SNX24: variants seen among roughly 807,000 people sequenced by gnomAD.
SNX24 encodes sorting nexin-24.
SNX24 carries 22 observed loss-of-function variants against 28.7 expected under a neutral mutation model. That is an observed-to-expected ratio of 0.77 (90% CI 0.55 to 1.10). The LOEUF (loss-of-function observed/expected upper bound fraction) is 1.10, where lower values mean the gene tolerates loss of function less well. Ranked by LOEUF, SNX24 falls within the 50% of genes least tolerant of loss-of-function variation. The pLI, the probability that SNX24 is intolerant of heterozygous loss-of-function variation, is 0.00. For synonymous variants in SNX24, 69 were observed against 71.5 expected (o/e 0.96, Z 0.18); for missense variants, 221 against 201.1 (o/e 1.10, Z -0.60).
intron 1 of SNX24, among the ~76,000 whole-genome samples, chr5:122,895,965 A>G (rs1331720875): frequency 6.6e-6 from 1 of 152,196 alleles, no homozygotes; most frequent in Non-Finnish European, 1.5e-5. Context: ...CCTGGCCAAC[A>G]TGGTGAAACC....
chr5:122,906,282 A>G (rs1757643335), intron 1 of SNX24, among the ~76,000 whole-genome samples: 2 of 152,188 alleles, frequency 1.3e-5, no homozygotes, highest in African/African-American at 4.8e-5. Flanking sequence ...GGGTTCCACC[A>G]TGCTGCCCTC....
Position 122,879,234 on chromosome 5 carries a change from C to T in SNX24, c.60+33541C>T, listed in dbSNP as rs115063589. On this transcript the variant is annotated intron_variant, in intron 1 of 6. Coordinates refer to ENST00000261369, the MANE Select transcript of SNX24 (RefSeq NM_014035.4). ...ATTTGGACCAGCCATGTTTCAAATGCTTGACAGCAGCATGTGGCGAGTGCT... is the reference window on the plus strand; with the variant it reads ...ATTTGGACCAGCCATGTTTCAAATGTTTGACAGCAGCATGTGGCGAGTGCT... Among the ~76,000 whole-genome samples, 355 of 152,266 alleles carry T rather than the reference C, an allele frequency of 2.3e-3. 1 individual carries two copies. The highest frequency in any genetic ancestry group is 8.1e-3 in the African/African-American group (336 of 41,554).
chr5:123,011,891 G>A (rs535913378), downstream of SNX24, among the ~76,000 whole-genome samples: 2 of 152,288 alleles, frequency 1.3e-5, no homozygotes, highest in South Asian at 4.1e-4. Flanking sequence ...GTTTGGCTGT[G>A]TCCCCACCCA....
intron 1 of SNX24, among the ~76,000 whole-genome samples, chr5:122,881,292 C>T (rs988015020): frequency 2.6e-5 from 4 of 151,712 alleles, no homozygotes; most frequent in African/African-American, 9.7e-5. Context: ...AAATAGTTGC[C>T]TTTTTAGAGA....
chr5:122,888,101 T>G lies in SNX24; in HGVS notation c.60+42408T>G, dbSNP rs1756795546. Among the ~76,000 whole-genome samples, 3 of 152,248 alleles carry G rather than the reference T, an allele frequency of 2.0e-5. No individual in the cohort carries two copies. In the South Asian group the frequency reaches 6.2e-4, roughly 31 times the overall value. ...TTTTGATTTATCCTATTCTAATGGG[T>G]GTTTTTCCTTTCCTTATCCTTTTGA... is the stretch of plus-strand genomic sequence containing the variant. On this transcript the variant is annotated intron_variant, in intron 1 of 6. Coordinates refer to ENST00000261369, the MANE Select transcript of SNX24 (RefSeq NM_014035.4).
intron 1 of SNX24, among the ~76,000 whole-genome samples, chr5:122,887,409 A>G (rs1250702573): frequency 6.6e-6 from 1 of 152,128 alleles, no homozygotes; most frequent in African/African-American, 2.4e-5. Context: ...TATTCAGGAG[A>G]GAGTCTATTT....
At chr5:122,998,178 A>T (rs1240114149) in intron 3 of SNX24, 1 of 151,816 alleles carries the variant, frequency 6.6e-6, no homozygotes, top group Non-Finnish European at 1.5e-5. Context: ...TTATTTTCTG[A>T]ACTTTTTATT....
chr5:123,006,496 A>G (rs1374123405), intron 6 of SNX24, among the ~76,000 whole-genome samples: 1 of 152,138 alleles, frequency 6.6e-6, no homozygotes, highest in South Asian at 2.1e-4. Context: ...TCTGCTTTGA[A>G]CTTCTCCAGT....
At chr5:122,913,091 GAA>G (rs1170553240) in intron 1 of SNX24, among the ~76,000 whole-genome samples, 1 of 152,222 alleles carries the variant, frequency 6.6e-6, no homozygotes, top group Non-Finnish European at 1.5e-5. Flanking sequence ...AGAACAAAAT[GAA>G]AAGTCTCCCA....
At chr5:123,009,622 T>C (rs1425777679), downstream of SNX24, among the ~76,000 whole-genome samples, 1 of 152,076 alleles carries the variant, frequency 6.6e-6, no homozygotes, top group Non-Finnish European at 1.5e-5. Context: ...GTCATCACAC[T>C]TATGCACTAC....
chr5:122,981,986 A>G (rs1761414518), intron 3 of SNX24, among the ~76,000 whole-genome samples: 1 of 152,246 alleles, frequency 6.6e-6, no homozygotes, highest in South Asian at 2.1e-4. Context: ...GTCAAGAGAA[A>G]AAGATAGAAG....
chr5:123,002,034 C>G (rs1762265680), intron 6 of SNX24, 30 bp downstream of exon 6: 2 of 1,558,662 alleles, frequency 1.3e-6, no homozygotes, highest in Middle Eastern at 1.7e-4. Flanking sequence ...GCTAACAGCT[C>G]TTTACTGATC....
intron 1 of SNX24, among the ~76,000 whole-genome samples, chr5:122,907,586 A>T (rs1172321102): frequency 6.6e-6 from 1 of 152,190 alleles, no homozygotes; most frequent in Non-Finnish European, 1.5e-5. Context: ...TATTCCAGAC[A>T]TGTACTAATT....
At chr5:123,021,112 C>CCG (rs369156255) in intron 5 of SNX24, among the ~76,000 whole-genome samples, 35 of 151,586 alleles carry the variant, frequency 2.3e-4, no homozygotes, top group African/African-American at 7.5e-4. Context: ...GTTCCCCCCC[C>CCG]GTCCCCATGG....
At chr5:122,880,397 C>T (rs1756425766) in intron 1 of SNX24, among the ~76,000 whole-genome samples, 1 of 152,180 alleles carries the variant, frequency 6.6e-6, no homozygotes, top group Admixed American at 6.5e-5. Flanking sequence ...AAGCAGAAAC[C>T]TTGTAAAAGC....
intron 1 of SNX24, among the ~76,000 whole-genome samples, chr5:122,921,865 GTTCT>G (rs1346662970): frequency 6.6e-6 from 1 of 151,942 alleles, no homozygotes; most frequent in East Asian, 1.9e-4. Context: ...CGAATCCATT[GTTCT>G]TTCTTTAAAG....
At chr5:122,921,139 C>G (rs906471160) in intron 1 of SNX24, among the ~76,000 whole-genome samples, 2 of 151,896 alleles carry the variant, frequency 1.3e-5, no homozygotes, top group Non-Finnish European at 2.9e-5. Context: ...CAAAAATGGA[C>G]TCTGTAGCCT....
chr5:122,846,957 CT>C (rs34047045), intron 1 of SNX24, among the ~76,000 whole-genome samples: 5,098 of 141,144 alleles, frequency 0.036, 84 homozygotes, highest in Non-Finnish European at 0.048. Flanking sequence ...TTGTTCAAGG[CT>C]TTTTTTTTTT....
At chr5:122,977,520 T>G (rs1324230256) in intron 3 of SNX24, among the ~76,000 whole-genome samples, 1 of 152,202 alleles carries the variant, frequency 6.6e-6, no homozygotes, top group African/African-American at 2.4e-5. Context: ...TTATCACTTA[T>G]GGCTGTGCTG....
Sources: allele counts gnomAD v4.1 joint callset (sites outside exome capture counted in the v4.1 genomes callset), GRCh38; gene constraint gnomAD v4.1.1; transcripts MANE v1.5; gene names NCBI Gene and HGNC (gene_info 2026-07-23, HGNC 2026-07-21).